The following MYCT1 variants were observed in gnomAD, a reference collection of about 807,000 sequenced individuals.
The protein encoded by MYCT1 is MYC target 1.
A neutral mutation model predicts 15.0 loss-of-function variants in MYCT1; 12 were observed. The ratio of observed to expected loss-of-function variants is 0.80; its 90% confidence interval spans 0.51 to 1.29. MYCT1 has a LOEUF of 1.29. Ranked by LOEUF, MYCT1 falls within the 50% of genes most tolerant of loss-of-function variation. The pLI, the probability that MYCT1 is intolerant of heterozygous loss-of-function variation, is 0.00. For synonymous variants in MYCT1, 104 were observed against 102.7 expected, an observed-to-expected ratio of 1.01 and a Z score of -0.07; for missense variants, 287 against 279.1, an observed-to-expected ratio of 1.03 and a Z score of -0.20.
At chr6:152,704,107 C>T (rs2099721832) in intron 1 of MYCT1, among the ~76,000 whole-genome samples, 1 of 151,906 alleles carries the variant, frequency 6.6e-6, no homozygotes, top group East Asian at 1.9e-4. Flanking sequence ...AGTGATCATC[C>T]CACCTCAGCC....
chr6:152,731,748 ATTT>A, the MYCT1 span, among the ~76,000 whole-genome samples: 1,478 of 140,380 alleles, frequency 0.011, 21 homozygotes, highest in East Asian at 0.044. Context: ...AGAGAACGCC[ATTT>A]TTTTTTTTTT....
the MYCT1 span, among the ~76,000 whole-genome samples, chr6:152,744,112 C>A: frequency 6.6e-6 from 1 of 151,264 alleles, no homozygotes; most frequent in African/African-American, 2.4e-5. Flanking sequence ...GCACATTGAC[C>A]TTTTCTCTGC....
At chr6:152,744,710 C>T in the MYCT1 span, among the ~76,000 whole-genome samples, 1 of 152,186 alleles carries the variant, frequency 6.6e-6, no homozygotes, top group Admixed American at 6.5e-5. Flanking sequence ...TTCCAACCAG[C>T]ACGTCTCTTT....
intron 1 of MYCT1, chr6:152,705,889 T>C: frequency 1.3e-6 from 1 of 744,500 alleles, no homozygotes; most frequent in Non-Finnish European, 2.5e-6. Flanking sequence ...GAGAAAATTA[T>C]GCAAAGTTCC....
At chr6:152,731,449 C>G in the MYCT1 span, among the ~76,000 whole-genome samples, 1 of 151,926 alleles carries the variant, frequency 6.6e-6, no homozygotes, top group African/African-American at 2.4e-5. Flanking sequence ...TATACATGTG[C>G]CATGTTGGTG....
In MYCT1 at chr6:152,724,374, A is replaced by G. The variant is rs1047690808; in HGVS notation, c.*2121A>G. ...CCAAATTAGGAAGAGAAGAGCAGAAATCCTCTGGGGCATTTAACCATCTGG... is the reference window on the plus strand; with the variant it reads ...CCAAATTAGGAAGAGAAGAGCAGAAGTCCTCTGGGGCATTTAACCATCTGG... On this transcript the variant is annotated 3_prime_UTR_variant, in exon 2 of 2. Coordinates refer to ENST00000367245, the MANE Select transcript of MYCT1 (RefSeq NM_025107.3). 6 of 152,234 alleles carry G rather than the reference A, an allele frequency of 3.9e-5. 1 individual carries two copies. In the Middle Eastern group the frequency reaches 0.014, roughly 345 times the overall value. The allele number at this position is 152,234 out of a possible 1,614,324, so 9.4% of individuals were successfully genotyped here.
At chr6:152,734,545 G>A in the MYCT1 span, among the ~76,000 whole-genome samples, 135 of 152,250 alleles carry the variant, frequency 8.9e-4, no homozygotes, top group East Asian at 5.6e-3. Flanking sequence ...TGGGAGCTGC[G>A]TGCAGTGACT....
the MYCT1 span, among the ~76,000 whole-genome samples, chr6:152,742,192 C>T: frequency 2.7e-3 from 417 of 152,154 alleles, 1 homozygote; most frequent in African/African-American, 9.7e-3. Context: ...GGGGGAAATA[C>T]GGGGTTAAAC....
rs200696320 is a variant in MYCT1, at chr6:152,698,066, G to A, written c.164G>A (p.Ser55Asn). The change falls in exon 1 of 2, where the codon AGT (serine) becomes AAT (asparagine). Residue 55 changes from serine to asparagine, a missense_variant. Coordinates refer to ENST00000367245, the MANE Select transcript of MYCT1 (RefSeq NM_025107.3). The part of the protein sequence containing the change: ...LVDIMANNTT[S>N]LGSPWPENFW... ...GATATTATGGCTAATAACACAACAA[G>A]TTTAGGGAGTCCATGGCCAGAAAAC... is the stretch of plus-strand genomic sequence containing the variant. The A allele has an allele frequency of 1.9e-6, 3 of 1,586,264 alleles. No individual in the cohort carries two copies. Among genetic ancestry groups the A allele is most frequent in the Non-Finnish European group, 1.7e-6 (2 of 1,171,086 alleles).
At chr6:152,729,862 T>G in the MYCT1 span, among the ~76,000 whole-genome samples, 1,290 of 152,242 alleles carry the variant, frequency 8.5e-3, 19 homozygotes, top group African/African-American at 0.03. Flanking sequence ...GTAGATCCAG[T>G]GGCCTTTGCA....
chr6:152,741,095 A>C, the MYCT1 span, among the ~76,000 whole-genome samples: 1 of 152,188 alleles, frequency 6.6e-6, no homozygotes, highest in African/African-American at 2.4e-5. Flanking sequence ...AAGTTATTTC[A>C]CAGAACAAAG....
Position 152,721,890 on chromosome 6 carries a change from T to G in MYCT1, c.345T>G (p.Ser115=), listed in dbSNP as rs1335741894. The G allele has an allele frequency of 1.9e-6, 3 of 1,614,076 alleles. No homozygotes were observed. The highest frequency in any genetic ancestry group is 2.5e-6 in the Non-Finnish European group (3 of 1,179,998). ...QWSSSRRSRS[S]YTHGLNRTGF... is the part of the protein sequence containing the mutation. Reference sequence around the variant, plus strand: ...GTTCAAGCAGGAGATCTAGGTCTTCTTACACCCACGGCCTCAACAGAACTG... The same window carrying G: ...GTTCAAGCAGGAGATCTAGGTCTTCGTACACCCACGGCCTCAACAGAACTG... Residue 115 remains serine, a synonymous_variant, in exon 2 of 2, where the codon TCT becomes TCG. Coordinates refer to ENST00000367245, the MANE Select transcript of MYCT1 (RefSeq NM_025107.3).
At chr6:152,716,164 T>C (rs887715423) in intron 1 of MYCT1, among the ~76,000 whole-genome samples, 3 of 152,188 alleles carry the variant, frequency 2.0e-5, no homozygotes, top group African/African-American at 7.2e-5. Context: ...AGTTGAATTC[T>C]GGATTTCTTT....
the MYCT1 span, among the ~76,000 whole-genome samples, chr6:152,737,258 G>A: frequency 0.011 from 1,713 of 151,352 alleles, 28 homozygotes; most frequent in African/African-American, 0.04. Flanking sequence ...TTTTTTTCTG[G>A]CAATAAAGAG....
At chr6:152,744,654 G>A in the MYCT1 span, among the ~76,000 whole-genome samples, 23 of 152,080 alleles carry the variant, frequency 1.5e-4, 2 homozygotes, top group Admixed American at 9.8e-4. Flanking sequence ...TGGCCTAGGG[G>A]AATAAATACC....
In MYCT1 at chr6:152,722,097, G is replaced by A; in HGVS notation, c.552G>A (p.Leu184=). The A allele has an allele frequency of 6.2e-7, 1 of 1,614,082 alleles. No individual in the cohort carries two copies. The highest frequency in any genetic ancestry group is 8.5e-7 in the Non-Finnish European group (1 of 1,180,030). The change falls in exon 2 of 2, where the codon CTG becomes CTA. Residue 184 remains leucine (L), a synonymous_variant. Coordinates refer to ENST00000367245, the MANE Select transcript of MYCT1 (RefSeq NM_025107.3). The part of the protein sequence containing the change: ...PPLPVETESQ[L]VTLPSSNISP... The stretch of plus-strand genomic sequence containing the variant: ...TTCCTGTGGAAACTGAGAGTCAGCT[G>A]GTGACTCTCCCTTCTTCCAATATCT...
At chr6:152,721,158 ACTGT>A (rs372799336) in intron 1 of MYCT1, among the ~76,000 whole-genome samples, 164 of 152,278 alleles carry the variant, frequency 1.1e-3, no homozygotes, top group African/African-American at 3.8e-3. Context: ...GATATAGGTG[ACTGT>A]CTGGGAGTTC....
the MYCT1 span, among the ~76,000 whole-genome samples, chr6:152,742,627 G>T: frequency 6.6e-6 from 1 of 152,136 alleles, no homozygotes; most frequent in African/African-American, 2.4e-5. Flanking sequence ...GTAACTAGTG[G>T]AACCCTATTT....
At chr6:152,727,749 A>G (rs1246528736), downstream of MYCT1, among the ~76,000 whole-genome samples, 3 of 151,456 alleles carry the variant, frequency 2.0e-5, no homozygotes, top group Admixed American at 6.5e-5. Context: ...CCTGCTCCCA[A>G]TGGCTGTCAC....
Sources: gnomAD v4.1 joint callset for allele counts (sites outside exome capture counted in the v4.1 genomes callset) on GRCh38, gnomAD v4.1.1 for gene constraint, MANE v1.5 for transcripts, NCBI Gene and HGNC (gene_info 2026-07-23, HGNC 2026-07-21) for gene names.